The following ACSM2A variants were observed in gnomAD, a reference collection of about 807,000 sequenced individuals.
The protein encoded by ACSM2A is acyl-coenzyme A synthetase ACSM2A, mitochondrial.
A neutral mutation model predicts 76.6 loss-of-function variants in ACSM2A; 72 were observed. The observed-to-expected ratio is 0.94, with a 90% CI of 0.78 to 1.14. The LOEUF is 1.14. Ranked by LOEUF, ACSM2A falls within the 50% of genes most tolerant of loss-of-function variation. ACSM2A has a pLI of 0.00. For missense variants in ACSM2A, 684 were observed against 708.5 expected, an observed-to-expected ratio of 0.97 and a Z score of 0.39; for synonymous variants, 249 against 255.9, an observed-to-expected ratio of 0.97 and a Z score of 0.26.
In ACSM2A at chr16:20,465,527, G is replaced by A. The variant is rs535873217; in HGVS notation, c.188G>A (p.Arg63Gln). The change falls in exon 3 of 14, where the codon CGA becomes CAA. Residue 63 changes from arginine to glutamine, a missense_variant. Coordinates refer to ENST00000573854, the MANE Select transcript of ACSM2A (RefSeq NM_001308172.2). ...CTTCTCTTTCCTCAGGCTGGCAAGC[G>A]ACTCCCAAGCCCAGCCCTGTGGTGG... Reference protein sequence around the residue: ...HWADMEKAGKRLPSPALWWVN... With the variant: ...HWADMEKAGKQLPSPALWWVN... The A allele has an allele frequency of 1.2e-5, 20 of 1,613,850 alleles. No homozygotes were observed. Among genetic ancestry groups the A allele is most frequent in the South Asian group, 2.2e-5 (2 of 91,050 alleles).
chr16:20,478,445 C>T (rs2013882068), intron 9 of ACSM2A, 131 bp from the exon 10 acceptor site: 2 of 1,037,098 alleles, frequency 1.9e-6, no homozygotes, highest in South Asian at 2.0e-5. Flanking sequence ...GTTCCCCTGG[C>T]TTCTGGTTGT....
At chr16:20,481,233 A>G (rs1177753968) in intron 12 of ACSM2A, 1 of 361,438 alleles carries the variant, frequency 2.8e-6, no homozygotes, top group Non-Finnish European at 5.1e-6. Context: ...TATTTATCCA[A>G]AGGAAAAGAA....
At chr16:20,454,130 G>C (rs899721638) in intron 1 of ACSM2A, among the ~76,000 whole-genome samples, 1 of 131,928 alleles carries the variant, frequency 7.6e-6, no homozygotes, top group Non-Finnish European at 1.6e-5. Flanking sequence ...TTTGCTGCTC[G>C]GGGTCACCAT....
chr16:20,467,700 T>G (rs536240597), intron 3 of ACSM2A, among the ~76,000 whole-genome samples: 1 of 152,226 alleles, frequency 6.6e-6, no homozygotes, highest in Admixed American at 6.5e-5. Flanking sequence ...ATTAGTGTGT[T>G]AGGAAAATAT....
At chr16:20,458,829 T>C (rs1287759044) in intron 1 of ACSM2A, among the ~76,000 whole-genome samples, 6 of 140,658 alleles carry the variant, frequency 4.3e-5, no homozygotes, top group Non-Finnish European at 7.7e-5. Flanking sequence ...AACATAAATA[T>C]ATATAAAAAA....
At chr16:20,465,377 T>G in intron 2 of ACSM2A, 140 bp from the exon 3 acceptor site, 3 of 1,153,350 alleles carry the variant, frequency 2.6e-6, no homozygotes, top group Non-Finnish European at 3.6e-6. Flanking sequence ...TTTAGAATTT[T>G]CAATACCTTT....
chr16:20,479,849 T>C (rs1198155655), intron 10 of ACSM2A, among the ~76,000 whole-genome samples: 1 of 152,240 alleles, frequency 6.6e-6, no homozygotes, highest in Non-Finnish European at 1.5e-5. Context: ...GCTTCTGGTC[T>C]CAGTTCTACC....
rs776219525 is a variant in ACSM2A at position 20,486,610 on chromosome 16, G to A, written c.1666G>A (p.Gly556Arg). 13 of 1,614,154 alleles carry A rather than the reference G, an allele frequency of 8.1e-6. No homozygotes were observed. The South Asian group carries it at 1.3e-4, about 16-fold the overall frequency. Residue 556 changes from glycine to arginine, a missense_variant, in exon 14 of 14, where the codon GGG becomes AGG. Physicochemically the swap from Gly to Arg is moderately radical, Grantham distance 125. This residue lies in a region of ACSM2A where 159 missense variants were observed against 132.5 expected (regional missense o/e 1.20). Coordinates refer to ENST00000573854, the MANE Select transcript of ACSM2A (RefSeq NM_001308172.2). ...FVLNLPKTVT[G>R]KIQRAKLRDK... ...CTTGAACCTGCCCAAGACTGTCACA[G>A]GGAAAATTCAACGAGCCAAGCTTCG...
chr16:20,460,066 G>C, intron 1 of ACSM2A, 41 bp from the exon 2 acceptor site: 1 of 1,562,210 alleles, frequency 6.4e-7, no homozygotes, highest in Non-Finnish European at 8.7e-7. Context: ...AGAGCAATCT[G>C]TTAAAGAAGC....
At chr16:20,478,550 T>G (rs1267806376) in intron 9 of ACSM2A, 26 bp from the exon 10 acceptor site, 1 of 1,609,492 alleles carries the variant, frequency 6.2e-7, no homozygotes, top group South Asian at 1.1e-5. Flanking sequence ...GTGTGCATCA[T>G]TCTTCCAATC....
rs539802755 is a variant in ACSM2A at position 20,460,237 on chromosome 16, G to C, written c.123G>C (p.Pro41=). The C allele has an allele frequency of 2.6e-5, 42 of 1,613,344 alleles. No individual in the cohort carries two copies. Among genetic ancestry groups the C allele is most frequent in the Admixed American group, 3.3e-5 (2 of 59,862 alleles). Residue 41 remains proline (P), a synonymous_variant, in exon 2 of 14, where the codon CCG becomes CCC. Transcript: ENST00000573854. ...VSLQWGHQEV[P]AKFNFASDVL... is the part of the protein sequence containing the mutation. ...TGCAGTGGGGCCACCAGGAAGTGCC[G>C]GCCAAGTTTAACTTTGCTAGTGATG...
intron 10 of ACSM2A, among the ~76,000 whole-genome samples, chr16:20,479,880 T>C (rs2013984902): frequency 6.6e-6 from 1 of 152,224 alleles, no homozygotes; most frequent in Non-Finnish European, 1.5e-5. Context: ...GCTGTTTAGC[T>C]TCAGACTAAC....
Position 20,480,634 on chromosome 16 carries a change from G to A in ACSM2A, c.1343G>A (p.Gly448Glu), listed in dbSNP as rs751254094. The change falls in exon 11 of 14, where the codon GGA becomes GAA. Residue 448 changes from glycine to glutamate, a missense_variant. By Grantham distance (98) the Gly-to-Glu change is moderately conservative (BLOSUM62 -2). Around this residue, in one of 3 missense-constraint regions of ACSM2A, gnomAD observed 519 missense variants for 549.5 expected, o/e 0.94. Coordinates refer to ENST00000573854, the MANE Select transcript of ACSM2A (RefSeq NM_001308172.2). ...GACTTTTGGCTCCTTGGAGACCGGG[G>A]AATCAAAGATGAAGATGGGTATTTC... ...RGDFWLLGDR[G>E]IKDEDGYFQF... 2.5e-6 allele frequency: 4 copies of A among 1,613,424 alleles called. No homozygotes were observed. Among genetic ancestry groups the A allele is most frequent in the Non-Finnish European group, 3.4e-6 (4 of 1,179,712 alleles).
chr16:20,458,329 A>C (rs2012328441), intron 1 of ACSM2A, among the ~76,000 whole-genome samples: 1 of 147,612 alleles, frequency 6.8e-6, no homozygotes, highest in Admixed American at 6.9e-5. Flanking sequence ...CTATATATCT[A>C]TATATACTAT....
In ACSM2A at chr16:20,458,598, T is replaced by TTA. The variant is rs578004747; in HGVS notation, c.-8-1495_-8-1494dup. Among the ~76,000 whole-genome samples the TTA allele has an allele frequency of 2.0e-3, 285 of 142,504 alleles. 4 individuals are homozygous for TTA. In the South Asian group the frequency reaches 0.034, roughly 17 times the overall value. 93.5% of individuals were successfully genotyped at this position (142,504 alleles called of 152,430 possible). A position where few individuals can be genotyped will look rare whatever the true frequency, so the allele number is the denominator to read the frequency against. On this transcript the variant is annotated intron_variant, in intron 1 of 13. Transcript: ENST00000573854. ...CCATATAATATAGTATATATATTTT[T>TTA]TATATATATATATATGTATTTTTTG...
intron 1 of ACSM2A, among the ~76,000 whole-genome samples, chr16:20,454,133 G>T (rs2141676087): frequency 7.5e-6 from 1 of 133,272 alleles, no homozygotes; most frequent in Admixed American, 7.3e-5. Context: ...GCTGCTCGGG[G>T]TCACCATCAT....
chr16:20,455,714 G>T (rs550427770), intron 1 of ACSM2A, among the ~76,000 whole-genome samples: 1 of 144,718 alleles, frequency 6.9e-6, no homozygotes, highest in African/African-American at 2.8e-5. Flanking sequence ...AACCTCACAT[G>T]ACCTATAAAA....
intron 1 of ACSM2A, among the ~76,000 whole-genome samples, chr16:20,457,862 G>A (rs2012286438): frequency 6.6e-6 from 1 of 151,994 alleles, no homozygotes; most frequent in Non-Finnish European, 1.5e-5. Flanking sequence ...AATTGGTAAA[G>A]AGGAAGTCAT....
intron 8 of ACSM2A, 102 bp from the exon 9 acceptor site, chr16:20,477,267 A>C: frequency 6.9e-7 from 1 of 1,443,256 alleles, no homozygotes; most frequent in Non-Finnish European, 9.2e-7. Context: ...GTGCAGGCCA[A>C]GTTCAGGACA....
Sources: allele counts gnomAD v4.1 joint callset (sites outside exome capture counted in the v4.1 genomes callset), GRCh38; gene constraint gnomAD v4.1.1; regional missense constraint gnomAD v4.1.1; transcripts MANE v1.5; gene names NCBI Gene and HGNC (gene_info 2026-07-23, HGNC 2026-07-21).